SLC47A2: variants seen among roughly 807,000 people sequenced by gnomAD.
SLC47A2 encodes the protein multidrug and toxin extrusion protein 2.
In SLC47A2, 52 loss-of-function variants were observed where a neutral mutation model predicts 67.7. The ratio of observed to expected loss-of-function variants is 0.77; its 90% CI spans 0.61 to 0.97. The LOEUF is 0.97. SLC47A2 is among the 50% of genes least tolerant of loss of function. The pLI is 0.00. For synonymous variants in SLC47A2, 278 were observed against 292.9 expected, an observed-to-expected ratio of 0.95 and a Z score of 0.52; for missense variants, 676 against 712.3, an observed-to-expected ratio of 0.95 and a Z score of 0.58.
chr17:19,705,639 G>T (rs12601430), intron 9 of SLC47A2, 136 bp from the exon 10 acceptor site: 10 of 756,572 alleles, frequency 1.3e-5, no homozygotes, highest in South Asian at 4.5e-5. Context: ...TCACTCTGTC[G>T]CTTGAGCTGG....
At chr17:19,682,363 A>ACACC (rs369670906) in intron 13 of SLC47A2, among the ~76,000 whole-genome samples, 2,048 of 151,222 alleles carry the variant, frequency 0.014, 45 homozygotes, top group African/African-American at 0.048. Context: ...ACACACACAC[A>ACACC]CAAATTTATT....
In SLC47A2 at chr17:19,706,755, G is replaced by T. The variant is rs1237924180; in HGVS notation, c.734C>A (p.Ser245Tyr). 1 of 1,604,564 alleles carries T rather than the reference G, an allele frequency of 6.2e-7. No homozygotes were observed. The highest frequency in any genetic ancestry group is 1.1e-5 in the South Asian group (1 of 90,076). The change falls in exon 9 of 17, where the codon TCC becomes TAC. Residue 245 changes from serine (S) to tyrosine (Y), a missense_variant. Physicochemically the swap from Ser to Tyr is moderately radical, Grantham distance 144. Transcript: ENST00000433844. Reference protein sequence around the residue: ...KLHLETWAGWSSQCLQDWGPF... With the variant: ...KLHLETWAGWYSQCLQDWGPF... ...GCCCCAGTCCTGCAGGCACTGGCTG[G>T]ACCAACCTGGAAACAGAGGCCCCAT...
At chr17:19,706,546 G>T in intron 9 of SLC47A2, 102 bp downstream of exon 9, 1 of 940,632 alleles carries the variant, frequency 1.1e-6, no homozygotes, top group South Asian at 1.7e-5. Flanking sequence ...CCATCCTGGG[G>T]AGGGGGCTTC....
At chr17:19,714,545 G>A (rs1007640902) in intron 3 of SLC47A2, 176 bp downstream of exon 3, 3 of 709,158 alleles carry the variant, frequency 4.2e-6, no homozygotes, top group East Asian at 2.5e-5. Context: ...TCAAAGGGGA[G>A]GGTCTGTTTC....
rs1277784023 is a variant in SLC47A2, at chr17:19,716,435, G to C, written c.121C>G (p.Leu41Val). The C allele has an allele frequency of 6.2e-7, 1 of 1,609,234 alleles. No homozygotes were observed. The highest frequency in any genetic ancestry group is 1.3e-5 in the African/African-American group (1 of 74,892). ...MWTLFALSGP[L>V]FLFQVLTFMI... ...GCCCCCCAGCTCCTCCTCCTTACCA[G>C]GGGTCCAGAAAGGGCAAAGAGAGTC... The change falls in exon 1 of 17, where the codon CTG (leucine) becomes GTG (valine). Residue 41 changes from leucine to valine, a missense_variant and splice_region_variant. Coordinates refer to ENST00000433844, the MANE Select transcript of SLC47A2 (RefSeq NM_001099646.3).
intron 3 of SLC47A2, among the ~76,000 whole-genome samples, chr17:19,714,180 T>A (rs868577129): frequency 2.0e-5 from 3 of 152,088 alleles, no homozygotes; most frequent in African/African-American, 7.2e-5. Context: ...CTTCCAAAGC[T>A]CCAAGGAGGA....
intron 16 of SLC47A2, among the ~76,000 whole-genome samples, chr17:19,679,611 C>T (rs1003251088): frequency 3.3e-5 from 5 of 152,044 alleles, no homozygotes; most frequent in South Asian, 2.1e-4. Context: ...TTGAATCTGA[C>T]GGGTTGATGC....
At chr17:19,686,144 C>A (rs1222016196) in intron 13 of SLC47A2, among the ~76,000 whole-genome samples, 1 of 152,112 alleles carries the variant, frequency 6.6e-6, no homozygotes, top group Non-Finnish European at 1.5e-5. Context: ...CACCTGTAGT[C>A]CCAGCTACTC....
intron 11 of SLC47A2, 76 bp downstream of exon 11, chr17:19,703,994 A>G: frequency 1.7e-6 from 2 of 1,184,162 alleles, no homozygotes; most frequent in Non-Finnish European, 2.4e-6. Flanking sequence ...TGCCTCCAGC[A>G]TGCCAGCCTT....
intron 7 of SLC47A2, 24 bp from the exon 8 acceptor site, chr17:19,707,867 C>T (rs1396140098): frequency 6.4e-7 from 1 of 1,560,502 alleles, no homozygotes; most frequent in Non-Finnish European, 8.7e-7. Context: ...GAGAACAGGG[C>T]TGCGACTGAT....
rs139845010 is a variant in SLC47A2, at chr17:19,687,175, A to T, written c.1165-5505T>A. 9.4e-3 allele frequency among the ~76,000 whole-genome samples: 1,431 copies of T among 152,302 alleles called. 12 individuals carry two copies. The highest frequency in any genetic ancestry group is 0.014 in the Non-Finnish European group (942 of 68,022). On this transcript the variant is annotated intron_variant, in intron 13 of 16. Coordinates refer to ENST00000433844, the MANE Select transcript of SLC47A2 (RefSeq NM_001099646.3). ...GAAACTATACAAACACATGGAAATT[A>T]ATATGCTCCTGAATGACCAGTGGGT... is the stretch of plus-strand genomic sequence containing the variant.
rs1044822701 is a variant in SLC47A2, at chr17:19,685,794, C to A, written c.1165-4124G>T. 2.0e-5 allele frequency among the ~76,000 whole-genome samples: 3 copies of A among 152,046 alleles called. No individual in the cohort carries two copies. The highest frequency in any genetic ancestry group is 4.8e-5 in the African/African-American group (2 of 41,388). ...TCTCTGAGAAACACCCAAAAATGAT[C>A]AATAAATACTAAATAAATAAATAAA... On this transcript the variant is annotated intron_variant, in intron 13 of 16. Transcript: ENST00000433844. This position sits in a 1 kb window ranked among gnomAD's most constrained non-coding sequence, Gnocchi z 4.5.
chr17:19,705,538 G>T (rs555617543), intron 9 of SLC47A2, 35 bp from the exon 10 acceptor site: 3 of 1,594,884 alleles, frequency 1.9e-6, no homozygotes, highest in Admixed American at 1.7e-5. Flanking sequence ...CCGGCCCGCA[G>T]CCCCAGACAC....
In SLC47A2 at chr17:19,714,714, C is replaced by A. The variant is rs768319712; in HGVS notation, c.294+7G>T. 23 of 1,613,872 alleles carry A rather than the reference C, an allele frequency of 1.4e-5. No homozygotes were observed. In the Admixed American group the frequency reaches 3.8e-4, roughly 27 times the overall value. On this transcript the variant is annotated splice_region_variant and intron_variant, in intron 3 of 16. Transcript: ENST00000433844. ...GGCTTCCTGCCCAGCTCCAGGAGGC[C>A]ACCCACCTGAGACATCAAGGTGTCA...
intron 11 of SLC47A2, among the ~76,000 whole-genome samples, chr17:19,703,750 C>T (rs8079625): frequency 1.1e-3 from 174 of 152,194 alleles, no homozygotes; most frequent in Non-Finnish European, 2.1e-3. Flanking sequence ...CAGGAAGGGC[C>T]GTCAAAGAGT....
intron 13 of SLC47A2, among the ~76,000 whole-genome samples, chr17:19,694,890 C>T (rs12453474): frequency 0.23 from 33,947 of 145,152 alleles, 4,121 homozygotes; most frequent in East Asian, 0.39. Context: ...CACTCCAGCC[C>T]GGGTAAAAGA....
At chr17:19,715,737 G>C (rs56137711) in intron 1 of SLC47A2, 1 of 85,104 alleles carries the variant, frequency 1.2e-5, no homozygotes, top group African/African-American at 4.3e-5. Flanking sequence ...ACGGAGTTTC[G>C]CCCTTGTTGC....
At chr17:19,684,474 A>G (rs2085377689) in intron 13 of SLC47A2, among the ~76,000 whole-genome samples, 1 of 152,174 alleles carries the variant, frequency 6.6e-6, no homozygotes, top group African/African-American at 2.4e-5. Flanking sequence ...GAAAGGGAGA[A>G]AGGTCTCGAA....
intron 13 of SLC47A2, among the ~76,000 whole-genome samples, chr17:19,690,059 G>T (rs1242075408): frequency 1.3e-5 from 2 of 151,998 alleles, no homozygotes; most frequent in Admixed American, 6.6e-5. Flanking sequence ...CATAGTACTG[G>T]CATAAAAATA....
Sources: allele counts gnomAD v4.1 joint callset (sites outside exome capture counted in the v4.1 genomes callset), GRCh38; gene constraint gnomAD v4.1.1; non-coding constraint Gnocchi (gnomAD v3.1); transcripts MANE v1.5; gene names NCBI Gene and HGNC (gene_info 2026-07-23, HGNC 2026-07-21).